The following MICU1 variants were observed in gnomAD, a reference collection of about 807,000 sequenced individuals.
MICU1 encodes mitochondrial calcium uptake 1.
MICU1 carries 45 observed loss-of-function variants against 56.8 expected under a neutral mutation model. That is an observed-to-expected ratio of 0.79 (90% CI 0.62 to 1.02). The LOEUF is 1.02. Among genes scored for constraint, MICU1 ranks in the 50% least tolerant of loss-of-function variants. The pLI is 0.00. For missense variants in MICU1, 504 were observed against 587.1 expected (o/e 0.86, Z 1.46); for synonymous variants, 186 against 195.1 (o/e 0.95, Z 0.39).
chr10:72,420,825 G>A (rs12411456), intron 9 of MICU1, among the ~76,000 whole-genome samples: 71,509 of 151,126 alleles, frequency 0.47, 19,585 homozygotes, highest in Non-Finnish European at 0.64. Flanking sequence ...ACATGCACGT[G>A]CCACCATGCC....
chr10:72,442,895 T>C (rs1589224790), intron 8 of MICU1, among the ~76,000 whole-genome samples: 1 of 152,176 alleles, frequency 6.6e-6, no homozygotes, highest in African/African-American at 2.4e-5. Context: ...TAGCTGGGAC[T>C]ACAGGCACGG....
chr10:72,391,637 T>C (rs1046922903), intron 10 of MICU1, among the ~76,000 whole-genome samples: 3 of 152,102 alleles, frequency 2.0e-5, no homozygotes, highest in African/African-American at 7.2e-5. Context: ...TTGAACTGCA[T>C]AGGTCCACTT....
chr10:72,473,537 G>C (rs1285346309), intron 8 of MICU1, among the ~76,000 whole-genome samples: 2 of 152,050 alleles, frequency 1.3e-5, no homozygotes, highest in Non-Finnish European at 2.9e-5. Context: ...ACCCACCCCA[G>C]ACAAGATGCC....
At chr10:72,563,153 G>A in intron 2 of MICU1, 90 bp from the exon 3 acceptor site, 1 of 997,706 alleles carries the variant, frequency 1.0e-6, no homozygotes, top group Non-Finnish European at 1.3e-6. Context: ...CAGAGCAACA[G>A]CAATGAAATT....
intron 8 of MICU1, among the ~76,000 whole-genome samples, chr10:72,456,924 C>T (rs1865484171): frequency 2.3e-5 from 3 of 128,806 alleles, no homozygotes; most frequent in Non-Finnish European, 3.2e-5. Context: ...TTGGTAGAAA[C>T]GAGATCTCAC....
chr10:72,389,447 C>T (rs528582348), intron 10 of MICU1, among the ~76,000 whole-genome samples: 2 of 152,296 alleles, frequency 1.3e-5, no homozygotes, highest in South Asian at 2.1e-4. Flanking sequence ...CAGAAAGCTC[C>T]TGTAGGAGTT....
At chr10:72,441,550 T>TAAA (rs767598097) in intron 8 of MICU1, among the ~76,000 whole-genome samples, 8 of 139,140 alleles carry the variant, frequency 5.7e-5, no homozygotes, top group African/African-American at 2.2e-4. Flanking sequence ...CTTAAATTAT[T>TAAA]TAAAAAAAAA....
intron 10 of MICU1, among the ~76,000 whole-genome samples, chr10:72,400,316 C>T (rs763731147): frequency 1.2e-4 from 19 of 152,138 alleles, no homozygotes; most frequent in South Asian, 6.2e-4. Flanking sequence ...CTATTTTGTA[C>T]GCCCTATAAT....
intron 4 of MICU1, among the ~76,000 whole-genome samples, chr10:72,545,445 A>G (rs1242230760): frequency 6.6e-6 from 1 of 152,236 alleles, no homozygotes; most frequent in Non-Finnish European, 1.5e-5. Context: ...TGTAAGGTAT[A>G]CACTGGTTTG....
At position 72,567,700 on chromosome 10, in the gene MICU1, G is replaced by T. The variant is rs185812291; in HGVS notation, c.-1-906C>A. On this transcript the variant is annotated intron_variant, in intron 1 of 11. Coordinates refer to ENST00000361114, the MANE Select transcript of MICU1 (RefSeq NM_001195518.2). ...GGGGAGGCAGTTTCACTAGGAAATT[G>T]CATATGAGAGTTGCTGCTAAAACTC... 2.4e-3 allele frequency among the ~76,000 whole-genome samples: 366 copies of T among 152,266 alleles called. 1 individual carries two copies. Among genetic ancestry groups the T allele is most frequent in the African/African-American group, 8.3e-3 (346 of 41,556 alleles).
intron 10 of MICU1, among the ~76,000 whole-genome samples, chr10:72,393,032 A>T (rs1454208035): frequency 1.3e-5 from 2 of 152,266 alleles, no homozygotes; most frequent in Non-Finnish European, 2.9e-5. Flanking sequence ...TGTCAAGTCC[A>T]AGGATGAGGG....
intron 10 of MICU1, among the ~76,000 whole-genome samples, chr10:72,395,809 C>T (rs199911009): frequency 6.6e-6 from 1 of 152,230 alleles, no homozygotes; most frequent in Admixed American, 6.5e-5. Context: ...CACCACAGCT[C>T]AACAGGCCTA....
At chr10:72,390,636 G>A (rs1348999048) in intron 10 of MICU1, among the ~76,000 whole-genome samples, 1 of 152,204 alleles carries the variant, frequency 6.6e-6, no homozygotes, top group Non-Finnish European at 1.5e-5. Context: ...CAGTGCCAGG[G>A]CCTAGAAGGT....
In MICU1 at chr10:72,492,789, GAATAAAATAA is replaced by G. The variant is rs71018299; in HGVS notation, c.652+15356_652+15365del. Among the ~76,000 whole-genome samples, 49 of 135,288 alleles carry G rather than the reference GAATAAAATAA, an allele frequency of 3.6e-4. 1 individual carries two copies. Among genetic ancestry groups the G allele is most frequent in the Middle Eastern group, 3.8e-3 (1 of 266 alleles). 88.8% of individuals were successfully genotyped at this position (135,288 alleles called of 152,430 possible). A position where few individuals can be genotyped will look rare whatever the true frequency, so the allele number is the denominator to read the frequency against. On this transcript the variant is annotated intron_variant, in intron 6 of 11. Transcript: ENST00000361114. The stretch of plus-strand genomic sequence containing the variant: ...AAATAAATAAAATAAAAATAGAATA[GAATAAAATAA>G]AATAAAATAAAATAAAATAAAATAA...
rs537460176 is a variant in MICU1 at position 72,455,061 on chromosome 10, C to G, written c.933+20039G>C. On this transcript the variant is annotated intron_variant, in intron 8 of 11. Coordinates refer to ENST00000361114, the MANE Select transcript of MICU1 (RefSeq NM_001195518.2). ...AGTAGCAAGTTTCTGATTAAAAGATCGAAGTTCGGCCAGGCGCAGTGGCTC... is the reference window on the plus strand; with the variant it reads ...AGTAGCAAGTTTCTGATTAAAAGATGGAAGTTCGGCCAGGCGCAGTGGCTC... Among the ~76,000 whole-genome samples the G allele has an allele frequency of 6.4e-4, 97 of 151,762 alleles. 1 individual carries two copies. Among genetic ancestry groups the G allele is most frequent in the Non-Finnish European group, 1.2e-3 (80 of 67,860 alleles).
intron 10 of MICU1, among the ~76,000 whole-genome samples, chr10:72,378,592 C>T (rs945037056): frequency 6.6e-6 from 1 of 152,168 alleles, no homozygotes; most frequent in African/African-American, 2.4e-5. Flanking sequence ...ATTACCCAGT[C>T]TCAGGTAGTT....
chr10:72,535,549 T>C (rs921620859), intron 4 of MICU1, among the ~76,000 whole-genome samples: 1 of 152,102 alleles, frequency 6.6e-6, no homozygotes. Flanking sequence ...CTCATAACTA[T>C]AGAGAGACAG....
chr10:72,477,443 G>T, intron 6 of MICU1, 187 bp from the exon 7 acceptor site: 1 of 1,452,844 alleles, frequency 6.9e-7, no homozygotes, highest in Non-Finnish European at 9.3e-7. Flanking sequence ...AATACTCCTT[G>T]AAACCAAAAA....
rs372775086 is a variant in MICU1, at chr10:72,403,981, A to G, written c.1180+3948T>C. On this transcript the variant is annotated intron_variant, in intron 10 of 11. Transcript: ENST00000361114. Reference sequence around the variant, plus strand: ...TGTGTGTGTGTTTTATTTTTTGGTTATGTGTTTTTTGTTTGTTTGTTTTTT... The same window carrying G: ...TGTGTGTGTGTTTTATTTTTTGGTTGTGTGTTTTTTGTTTGTTTGTTTTTT... 1.3e-4 allele frequency among the ~76,000 whole-genome samples: 17 copies of G among 129,578 alleles called. No homozygotes were observed. The South Asian group carries it at 3.6e-3, about 27-fold the overall frequency. 85.0% of individuals were successfully genotyped at this position (129,578 alleles called of 152,430 possible). A position where few individuals can be genotyped will look rare whatever the true frequency, so the allele number is the denominator to read the frequency against.
Sources: gnomAD v4.1 joint callset for allele counts (sites outside exome capture counted in the v4.1 genomes callset) on GRCh38, gnomAD v4.1.1 for gene constraint, MANE v1.5 for transcripts, NCBI Gene and HGNC (gene_info 2026-07-23, HGNC 2026-07-21) for gene names.